OR56A3: variants seen among roughly 807,000 people sequenced by gnomAD.
OR56A3 encodes olfactory receptor family 56 subfamily A member 3.
A neutral mutation model predicts 17.5 loss-of-function variants in OR56A3; 23 were observed. The observed-to-expected ratio is 1.32, with a 90% CI of 0.95 to 1.87. The LOEUF is 1.87. Among genes scored for constraint, OR56A3 ranks in the 40% most tolerant of loss-of-function variants. The pLI is 0.00. For synonymous variants in OR56A3, 175 were observed against 150.6 expected, an observed-to-expected ratio of 1.16 and a Z score of -1.19; for missense variants, 366 against 380.1, an observed-to-expected ratio of 0.96 and a Z score of 0.31.
chr11:5,986,378 T>C, the OR56A3 span: 2 of 1,613,920 alleles, frequency 1.2e-6, no homozygotes, highest in South Asian at 2.2e-5. Flanking sequence ...TGGCAGAAGA[T>C]AAGTGTTCCC....
downstream of OR56A3, among the ~76,000 whole-genome samples, chr11:5,953,929 T>C (rs1847920420): frequency 6.6e-6 from 1 of 152,108 alleles, no homozygotes; most frequent in African/African-American, 2.4e-5. Flanking sequence ...TGACTGAAAC[T>C]TTCTTCTGTA....
the OR56A3 span, chr11:5,995,105 C>T: frequency 4.7e-5 from 28 of 590,278 alleles, no homozygotes; most frequent in Admixed American, 2.0e-4. Context: ...GGCGGCTGGA[C>T]GCAGCCCAGG....
chr11:5,955,561 G>A (rs566237922), downstream of OR56A3, among the ~76,000 whole-genome samples: 8 of 152,176 alleles, frequency 5.3e-5, no homozygotes, highest in Admixed American at 1.3e-4. Flanking sequence ...AGGGTCAAGC[G>A]GGCACCTTGG....
chr11:5,944,297 C>G (rs1847855765), intron 1 of OR56A3, among the ~76,000 whole-genome samples: 1 of 151,930 alleles, frequency 6.6e-6, no homozygotes, highest in African/African-American at 2.4e-5. Flanking sequence ...CCTTAAGAGT[C>G]AAAACCAGGA....
At chr11:5,995,027 G>A in the OR56A3 span, 15 of 644,206 alleles carry the variant, frequency 2.3e-5, no homozygotes, top group East Asian at 2.2e-4. Context: ...ATGGAGATCC[G>A]GGAACCTGAG....
the OR56A3 span, among the ~76,000 whole-genome samples, chr11:5,972,087 T>C: frequency 6.6e-6 from 1 of 152,324 alleles, no homozygotes; most frequent in Non-Finnish European, 1.5e-5. Context: ...AATGAGCACA[T>C]TTCCTCACCA....
At chr11:5,969,835 T>C in the OR56A3 span, among the ~76,000 whole-genome samples, 1 of 152,178 alleles carries the variant, frequency 6.6e-6, no homozygotes, top group Non-Finnish European at 1.5e-5. Context: ...AGTAGTCCAA[T>C]TGAGAAGTGA....
At chr11:6,014,680 A>G in the OR56A3 span, among the ~76,000 whole-genome samples, 1 of 152,180 alleles carries the variant, frequency 6.6e-6, no homozygotes, top group Non-Finnish European at 1.5e-5. Flanking sequence ...TGGAGGGCTC[A>G]GAAGACAAGA....
the OR56A3 span, chr11:5,986,486 G>A: frequency 6.2e-7 from 1 of 1,613,910 alleles, no homozygotes; most frequent in African/African-American, 1.3e-5. Flanking sequence ...GTGGAATGGT[G>A]CAAGGGGTGA....
At chr11:6,000,861 A>T in the OR56A3 span, 1 of 152,232 alleles carries the variant, frequency 6.6e-6, no homozygotes, top group East Asian at 1.9e-4. Flanking sequence ...ATGCTGTAAC[A>T]TATTAAACAT....
At chr11:5,969,119 T>C in the OR56A3 span, among the ~76,000 whole-genome samples, 1 of 152,220 alleles carries the variant, frequency 6.6e-6, no homozygotes, top group Non-Finnish European at 1.5e-5. Context: ...CATATGGTAC[T>C]GTGTCACAAC....
chr11:6,009,727 C>G, the OR56A3 span, among the ~76,000 whole-genome samples: 1 of 152,048 alleles, frequency 6.6e-6, no homozygotes, highest in Non-Finnish European at 1.5e-5. Context: ...GTAAATGAGT[C>G]TAGATTTATT....
At chr11:6,002,040 C>T in the OR56A3 span, 300 of 1,542,638 alleles carry the variant, frequency 1.9e-4, no homozygotes, top group Admixed American at 2.3e-4. Flanking sequence ...TGGATCTAAT[C>T]CTTTTTATTC....
the OR56A3 span, among the ~76,000 whole-genome samples, chr11:6,018,915 A>T: frequency 6.6e-6 from 1 of 152,080 alleles, no homozygotes; most frequent in African/African-American, 2.4e-5. Flanking sequence ...AACAAACTAG[A>T]AAACCTAGAG....
chr11:6,012,731 C>T, the OR56A3 span, among the ~76,000 whole-genome samples: 8 of 152,228 alleles, frequency 5.3e-5, no homozygotes, highest in African/African-American at 1.9e-4. Context: ...CTGCCTCCTG[C>T]CGCCATCCAT....
the OR56A3 span, among the ~76,000 whole-genome samples, chr11:5,964,913 G>C: frequency 6.6e-6 from 1 of 152,196 alleles, no homozygotes; most frequent in Non-Finnish European, 1.5e-5. Flanking sequence ...GGGGTAACGT[G>C]TAAGGTAAAA....
chr11:5,988,609 A>G, the OR56A3 span, among the ~76,000 whole-genome samples: 3 of 152,180 alleles, frequency 2.0e-5, no homozygotes, highest in Non-Finnish European at 2.9e-5. Flanking sequence ...AATTATTTTA[A>G]TATTAGCAAT....
At chr11:5,978,390 G>T in the OR56A3 span, among the ~76,000 whole-genome samples, 1 of 152,102 alleles carries the variant, frequency 6.6e-6, no homozygotes, top group Non-Finnish European at 1.5e-5. Context: ...TCTTTCAGCA[G>T]TGTTTTGTAA....
the OR56A3 span, among the ~76,000 whole-genome samples, chr11:5,988,156 G>C: frequency 2.4e-4 from 36 of 152,158 alleles, no homozygotes; most frequent in Admixed American, 1.9e-3. Flanking sequence ...ATCTGAATTG[G>C]TCCTTCAAAA....
Sources: gnomAD v4.1 joint callset for allele counts (sites outside exome capture counted in the v4.1 genomes callset) on GRCh38, gnomAD v4.1.1 for gene constraint, MANE v1.5 for transcripts, NCBI Gene and HGNC (gene_info 2026-07-23, HGNC 2026-07-21) for gene names.